DPP6: variants seen among roughly 807,000 people sequenced by gnomAD.
DPP6 encodes A-type potassium channel modulatory protein DPP6.
A neutral mutation model predicts 122.6 loss-of-function variants in DPP6; 69 were observed. The ratio of observed to expected loss-of-function variants is 0.56; its 90% CI spans 0.46 to 0.69. The LOEUF (loss-of-function observed/expected upper bound fraction) is 0.69, where lower values mean the gene tolerates loss of function less well. Ranked by LOEUF, DPP6 falls within the 30% of genes least tolerant of loss-of-function variation. The pLI, the probability that DPP6 is intolerant of heterozygous loss-of-function variation, is 0.00. For synonymous variants in DPP6, 418 were observed against 433.1 expected, an observed-to-expected ratio of 0.97 and a Z score of 0.43; for missense variants, 928 against 1,116.9, an observed-to-expected ratio of 0.83 and a Z score of 2.41.
chr7:154,084,989 C>CAAA (rs370222780), intron 1 of DPP6, among the ~76,000 whole-genome samples: 1,983 of 77,312 alleles, frequency 0.026, 182 homozygotes, highest in African/African-American at 0.059. Context: ...GACTCCGTCT[C>CAAA]AAAAAAAAAA....
At chr7:154,773,237 A>T (rs1270001696) in intron 10 of DPP6, among the ~76,000 whole-genome samples, 1 of 152,170 alleles carries the variant, frequency 6.6e-6, no homozygotes, top group Non-Finnish European at 1.5e-5. Context: ...GGGACACCAG[A>T]GGAAATGATG....
chr7:154,548,039 T>A (rs1829336614), intron 4 of DPP6, among the ~76,000 whole-genome samples: 1 of 151,070 alleles, frequency 6.6e-6, no homozygotes. Context: ...TGAAACCCCA[T>A]CTCTACTAAA....
rs1036204742 is a variant in DPP6, at chr7:154,034,644, ACT to A, written c.51+146913_51+146914del. On this transcript the variant is annotated intron_variant, in intron 1 of 25. Coordinates refer to the DPP6 transcript ENST00000404039. Reference sequence around the variant, plus strand: ...GACAAGCATGACTCAGCAGTGTAACACTCTTTTTAATTTTAATTATTATTATT... The same window carrying A: ...GACAAGCATGACTCAGCAGTGTAACACTTTTTAATTTTAATTATTATTATT... Among the ~76,000 whole-genome samples the A allele has an allele frequency of 6.6e-4, 100 of 151,688 alleles. 1 individual carries two copies. Among genetic ancestry groups the A allele is most frequent in the Middle Eastern group, 3.4e-3 (1 of 294 alleles).
chr7:154,719,254 C>T (rs908358623), intron 7 of DPP6, among the ~76,000 whole-genome samples: 1 of 152,094 alleles, frequency 6.6e-6, no homozygotes, highest in Non-Finnish European at 1.5e-5. Flanking sequence ...TACATCCCAG[C>T]CTCTCCAGAG....
intron 1 of DPP6, among the ~76,000 whole-genome samples, chr7:154,195,221 C>T (rs778396109): frequency 6.6e-6 from 1 of 152,110 alleles, no homozygotes; most frequent in African/African-American, 2.4e-5. Flanking sequence ...TACCATTTCT[C>T]GAAAAGACGA....
chr7:154,093,337 TCATACACAG>T (rs987442301), intron 1 of DPP6, among the ~76,000 whole-genome samples: 42 of 142,104 alleles, frequency 3.0e-4, no homozygotes, highest in Middle Eastern at 7.6e-3. Context: ...ACACACCACA[TCATACACAG>T]CATACACATG....
chr7:154,703,690 C>T (rs1046302337), intron 7 of DPP6, among the ~76,000 whole-genome samples: 4 of 151,710 alleles, frequency 2.6e-5, no homozygotes, highest in African/African-American at 9.7e-5. Context: ...GTACTTGCAG[C>T]ACTTTAGAAG....
At chr7:153,841,726 G>A in the DPP6 span, among the ~76,000 whole-genome samples, 6 of 152,244 alleles carry the variant, frequency 3.9e-5, no homozygotes, top group Admixed American at 1.3e-4. Flanking sequence ...AGCATTTACC[G>A]TGAAGAACAG....
chr7:154,314,039 T>G (rs1807207704), intron 1 of DPP6, among the ~76,000 whole-genome samples: 1 of 152,084 alleles, frequency 6.6e-6, no homozygotes, highest in Non-Finnish European at 1.5e-5. Context: ...GTGCATTTTA[T>G]TAATTCTTTC....
intron 1 of DPP6, among the ~76,000 whole-genome samples, chr7:154,127,676 C>CAA (rs869209129): frequency 2.0e-5 from 3 of 147,276 alleles, no homozygotes; most frequent in East Asian, 2.0e-4. Flanking sequence ...CACACACACA[C>CAA]AAAACAGCTC....
intron 9 of DPP6, 34 bp downstream of exon 9, chr7:154,769,605 A>T (rs369633299): frequency 9.8e-6 from 15 of 1,529,062 alleles, no homozygotes; most frequent in Non-Finnish European, 1.3e-5. Flanking sequence ...CAAATTCTTT[A>T]TATTATTCAT....
rs551699606 is a variant in DPP6 at position 154,891,469 on chromosome 7, C to G, written c.2452-865C>G. 8.9e-4 allele frequency among the ~76,000 whole-genome samples: 135 copies of G among 152,254 alleles called. 3 individuals carry two copies. Among genetic ancestry groups the G allele is most frequent in the Admixed American group, 7.1e-3 (108 of 15,282 alleles). ...GAGCTGGAGTCTGTGATTATCCTCC[C>G]CACCCGACACACCTGGAATCCGAGG... On this transcript the variant is annotated intron_variant, in intron 25 of 25. Transcript: ENST00000377770.
the DPP6 span, among the ~76,000 whole-genome samples, chr7:153,810,757 T>C: frequency 6.7e-5 from 10 of 149,162 alleles, no homozygotes; most frequent in African/African-American, 2.5e-4. Flanking sequence ...TGCTTGATAG[T>C]TCTTGCTAAG....
intron 1 of DPP6, among the ~76,000 whole-genome samples, chr7:154,142,354 T>C (rs1295040514): frequency 6.6e-6 from 1 of 152,168 alleles, no homozygotes; most frequent in East Asian, 1.9e-4. Context: ...ACTGAATATA[T>C]AAATCAATGG....
intron 1 of DPP6, among the ~76,000 whole-genome samples, chr7:153,902,636 A>G (rs2128999119): frequency 6.6e-6 from 1 of 152,178 alleles, no homozygotes; most frequent in Admixed American, 6.5e-5. Flanking sequence ...GGAGTTCGAG[A>G]CCAGCCTGGC....
intron 1 of DPP6, among the ~76,000 whole-genome samples, chr7:154,278,788 G>T (rs568009352): frequency 4.1e-4 from 63 of 152,296 alleles, no homozygotes; most frequent in African/African-American, 1.4e-3. Context: ...GTGCACTCTT[G>T]TATGTGTATG....
chr7:153,985,832 A>G lies in DPP6; in HGVS notation c.51+98098A>G, dbSNP rs2129039909. Among the ~76,000 whole-genome samples, 2 of 152,334 alleles carry G rather than the reference A, an allele frequency of 1.3e-5. 1 individual carries two copies. ...TGTGTATCTCTCTGAAACAGGTGAAATTGACATTCTGGAACAAAAATCTAA... is the reference window on the plus strand; with the variant it reads ...TGTGTATCTCTCTGAAACAGGTGAAGTTGACATTCTGGAACAAAAATCTAA... On this transcript the variant is annotated intron_variant, in intron 1 of 25. Transcript: ENST00000404039.
At chr7:153,914,383 G>A (rs1397996103) in intron 1 of DPP6, among the ~76,000 whole-genome samples, 4 of 152,162 alleles carry the variant, frequency 2.6e-5, no homozygotes, top group Non-Finnish European at 5.9e-5. Context: ...GGCTAAGTCA[G>A]ATCCTAAGTC....
intron 1 of DPP6, among the ~76,000 whole-genome samples, chr7:154,215,611 G>A (rs1211809516): frequency 6.6e-6 from 1 of 152,104 alleles, no homozygotes; most frequent in African/African-American, 2.4e-5. Flanking sequence ...GAGGAGAAAG[G>A]GCCTTTCCTA....
Sources: gnomAD v4.1 joint callset for allele counts (sites outside exome capture counted in the v4.1 genomes callset) on GRCh38, gnomAD v4.1.1 for gene constraint, MANE v1.5 for transcripts, NCBI Gene and HGNC (gene_info 2026-07-23, HGNC 2026-07-21) for gene names.